The following ATG10 variants were observed in gnomAD, a reference collection of about 807,000 sequenced individuals.
ATG10 encodes the protein ubiquitin-like-conjugating enzyme ATG10.
In ATG10, 30 loss-of-function variants were observed where a neutral mutation model predicts 32.1. The ratio of observed to expected loss-of-function variants is 0.94; its 90% CI spans 0.70 to 1.27. The LOEUF (loss-of-function observed/expected upper bound fraction) is 1.27. Ranked by LOEUF, ATG10 falls within the 50% of genes most tolerant of loss-of-function variation. ATG10 has a pLI of 0.00. For synonymous variants in ATG10, 87 were observed against 91.5 expected (o/e 0.95, Z 0.28); for missense variants, 233 against 262.3 (o/e 0.89, Z 0.77).
chr5:82,115,164 G>C (rs1341081215), intron 3 of ATG10, among the ~76,000 whole-genome samples: 1 of 152,026 alleles, frequency 6.6e-6, no homozygotes, highest in Non-Finnish European at 1.5e-5. Flanking sequence ...TCTGGATCCT[G>C]TTTGGAAGAA....
chr5:82,186,627 T>C (rs188378707), intron 5 of ATG10, among the ~76,000 whole-genome samples: 39 of 146,174 alleles, frequency 2.7e-4, no homozygotes, highest in Non-Finnish European at 5.2e-4. Flanking sequence ...AGAGTCTTGC[T>C]CTGTCACCCA....
At chr5:82,123,309 A>G (rs1411328252) in intron 3 of ATG10, among the ~76,000 whole-genome samples, 3 of 152,190 alleles carry the variant, frequency 2.0e-5, no homozygotes, top group Non-Finnish European at 4.4e-5. Context: ...AGTGGGAGCT[A>G]TATGACAAGA....
intron 2 of ATG10, among the ~76,000 whole-genome samples, chr5:82,052,397 G>A (rs556139022): frequency 2.0e-5 from 3 of 152,166 alleles, no homozygotes; most frequent in African/African-American, 7.2e-5. Flanking sequence ...AAATGCAATC[G>A]GCACTACACT....
intron 5 of ATG10, among the ~76,000 whole-genome samples, chr5:82,208,684 G>T (rs28750741): frequency 0.061 from 9,327 of 152,218 alleles, 366 homozygotes; most frequent in Non-Finnish European, 0.088. Context: ...TCCAATTAAA[G>T]AAGTTTTATC....
chr5:82,229,683 G>A (rs956278106), intron 5 of ATG10, among the ~76,000 whole-genome samples: 2 of 152,204 alleles, frequency 1.3e-5, no homozygotes, highest in Admixed American at 1.3e-4. Flanking sequence ...TTTAGTTAAT[G>A]TGACTTCTTA....
chr5:82,174,686 T>C (rs1319724689), intron 4 of ATG10, among the ~76,000 whole-genome samples: 1 of 152,192 alleles, frequency 6.6e-6, no homozygotes, highest in Non-Finnish European at 1.5e-5. Context: ...GGAATAAATA[T>C]TGGTTGAATT....
intron 3 of ATG10, among the ~76,000 whole-genome samples, chr5:82,069,149 G>A (rs1224074772): frequency 1.3e-5 from 2 of 152,100 alleles, no homozygotes; most frequent in South Asian, 2.1e-4. Context: ...AATTTTCTAT[G>A]GAGGGCTCAA....
chr5:82,246,071 CTTTTTT>C (rs11340753), intron 5 of ATG10, among the ~76,000 whole-genome samples: 1 of 125,152 alleles, frequency 8.0e-6, no homozygotes. Flanking sequence ...TAATACTGAC[CTTTTTT>C]TTTTTTTTTT....
At chr5:82,010,317 C>G (rs748719255) in intron 2 of ATG10, among the ~76,000 whole-genome samples, 3 of 152,026 alleles carry the variant, frequency 2.0e-5, no homozygotes, top group Admixed American at 6.6e-5. Context: ...GTTTTGGTAC[C>G]TGTACTCTTA....
intron 3 of ATG10, among the ~76,000 whole-genome samples, chr5:82,146,101 C>T (rs182755126): frequency 1.3e-5 from 2 of 152,258 alleles, no homozygotes; most frequent in East Asian, 1.9e-4. Context: ...TTCTCTTCAG[C>T]TTGGAGAACT....
intron 3 of ATG10, among the ~76,000 whole-genome samples, chr5:82,087,716 C>G (rs907511242): frequency 6.6e-6 from 1 of 152,096 alleles, no homozygotes; most frequent in Non-Finnish European, 1.5e-5. Context: ...TTGCCTTCCT[C>G]TGGCCCAGGG....
intron 1 of ATG10, 116 bp from the exon 2 acceptor site, chr5:81,987,443 C>T: frequency 1.4e-6 from 1 of 716,844 alleles, no homozygotes; most frequent in Non-Finnish European, 2.3e-6. Flanking sequence ...TTTTTAGTGG[C>T]CTTGAGGCCA....
chr5:82,149,826 T>A (rs1228747184), intron 3 of ATG10, among the ~76,000 whole-genome samples: 1 of 152,206 alleles, frequency 6.6e-6, no homozygotes, highest in East Asian at 1.9e-4. Flanking sequence ...GTCTGTCCTA[T>A]GGGAAGGTGG....
chr5:82,164,327 C>CGGTGTGG, intron 3 of ATG10, 72 bp from the exon 4 acceptor site: 1 of 1,376,744 alleles, frequency 7.3e-7, no homozygotes, highest in Non-Finnish European at 1.0e-6. Context: ...AGAAAATCTC[C>CGGTGTGG]TCTTTTCCTC....
chr5:82,253,459 G>T (rs1313730885), intron 7 of ATG10, 30 bp downstream of exon 7: 3 of 1,449,190 alleles, frequency 2.1e-6, no homozygotes, highest in Non-Finnish European at 2.9e-6. Context: ...TTAATGTTTT[G>T]CCGTTACAAA....
chr5:82,213,664 C>T (rs141314493), intron 5 of ATG10, among the ~76,000 whole-genome samples: 3 of 152,314 alleles, frequency 2.0e-5, no homozygotes, highest in Non-Finnish European at 4.4e-5. Context: ...GTGGCCAACT[C>T]CATGCATATT....
Position 82,114,182 on chromosome 5 carries a change from T to C in ATG10, c.217-50217T>C, listed in dbSNP as rs573102811. Among the ~76,000 whole-genome samples the C allele has an allele frequency of 3.3e-5, 5 of 152,136 alleles. No individual in the cohort carries two copies. The East Asian group carries it at 9.7e-4, about 29-fold the overall frequency. On this transcript the variant is annotated intron_variant, in intron 3 of 7. Transcript: ENST00000282185. ...TGCCTTTGTTGGACTGTGGTTCTTA[T>C]TTATAATGACTTACTTACAAATATC...
rs1025766136 is a variant in ATG10 at position 82,081,967 on chromosome 5, A to G, written c.216+23365A>G. Among the ~76,000 whole-genome samples, 23 of 152,312 alleles carry G rather than the reference A, an allele frequency of 1.5e-4. 1 individual carries two copies. Among genetic ancestry groups the G allele is most frequent in the South Asian group, 2.1e-4 (1 of 4,830 alleles). Reference sequence around the variant, plus strand: ...CCTCCTTGTACCTCTGGTAGAATTCAGCTGTGAATCCATCTGGTCCTGGAC... The same window carrying G: ...CCTCCTTGTACCTCTGGTAGAATTCGGCTGTGAATCCATCTGGTCCTGGAC... On this transcript the variant is annotated intron_variant, in intron 3 of 7. Coordinates refer to ENST00000282185, the MANE Select transcript of ATG10 (RefSeq NM_031482.5).
chr5:81,993,232 G>GTT (rs1761512096), intron 2 of ATG10, among the ~76,000 whole-genome samples: 6 of 151,766 alleles, frequency 4.0e-5, no homozygotes, highest in African/African-American at 1.5e-4. Flanking sequence ...TACTTTATAT[G>GTT]GTTGTTGTAT....
Sources: allele counts gnomAD v4.1 joint callset (sites outside exome capture counted in the v4.1 genomes callset), GRCh38; gene constraint gnomAD v4.1.1; transcripts MANE v1.5; gene names NCBI Gene and HGNC (gene_info 2026-07-23, HGNC 2026-07-21).